The following PRSS23 variants were observed in gnomAD, a reference collection of about 807,000 sequenced individuals.
PRSS23 encodes protease, serine 23.
In PRSS23, 25 loss-of-function variants were observed where a neutral mutation model predicts 34.7. The ratio of observed to expected loss-of-function variants is 0.72; its 90% CI spans 0.53 to 1.01. The LOEUF is 1.01. Ranked by LOEUF, PRSS23 falls within the 50% of genes least tolerant of loss-of-function variation. The pLI is 0.00. For synonymous variants in PRSS23, 176 were observed against 186.6 expected (o/e 0.94, Z 0.46); for missense variants, 445 against 475.6 (o/e 0.94, Z 0.60).
At chr11:86,924,668 T>C (rs955569726) in intron 2 of PRSS23, among the ~76,000 whole-genome samples, 3 of 152,224 alleles carry the variant, frequency 2.0e-5, no homozygotes, top group African/African-American at 7.2e-5. Flanking sequence ...AGAGTTGTTA[T>C]AGTGATTACA....
intron 2 of PRSS23, among the ~76,000 whole-genome samples, chr11:86,844,893 C>T (rs1016185186): frequency 2.6e-5 from 4 of 152,110 alleles, no homozygotes; most frequent in African/African-American, 7.2e-5. Flanking sequence ...AGTTCAAGAA[C>T]AGCCTGACCA....
At chr11:86,851,977 C>A (rs953432257) in intron 2 of PRSS23, among the ~76,000 whole-genome samples, 2 of 152,180 alleles carry the variant, frequency 1.3e-5, no homozygotes, top group African/African-American at 2.4e-5. Context: ...ACAGAAACTC[C>A]ACAGTCTGCT....
intron 2 of PRSS23, among the ~76,000 whole-genome samples, chr11:86,838,960 C>T (rs1948427054): frequency 6.6e-6 from 1 of 151,898 alleles, no homozygotes; most frequent in African/African-American, 2.4e-5. Flanking sequence ...AAAGGACATC[C>T]ACATGAAAAC....
At chr11:86,926,825 T>C (rs185851625) in intron 2 of PRSS23, among the ~76,000 whole-genome samples, 98 of 152,318 alleles carry the variant, frequency 6.4e-4, no homozygotes, top group Admixed American at 1.8e-3. Context: ...TTCAGGGTTG[T>C]CTATGAAAAG....
At chr11:86,805,748 T>C (rs1426079467) in intron 1 of PRSS23, among the ~76,000 whole-genome samples, 1 of 152,228 alleles carries the variant, frequency 6.6e-6, no homozygotes, top group Non-Finnish European at 1.5e-5. Flanking sequence ...GGAATGAGAA[T>C]GGGCATGCTC....
At position 86,857,780 on chromosome 11, in the gene PRSS23, G is replaced by A. The variant is rs558918280; in HGVS notation, c.206+34187G>A. Reference sequence around the variant, plus strand: ...GACTGCATGTCCACAATCATCTTGGGAACTGTGGCCGAGGTGAAACCAATG... The same window carrying A: ...GACTGCATGTCCACAATCATCTTGGAAACTGTGGCCGAGGTGAAACCAATG... On this transcript the variant is annotated intron_variant, in intron 2 of 2. Coordinates refer to the PRSS23 transcript ENST00000533902. 5.6e-4 allele frequency: 584 copies of A among 1,051,990 alleles called. 10 individuals are homozygous for A. The South Asian group carries it at 6.1e-3, about 11-fold the overall frequency. 65.2% of individuals were successfully genotyped at this position (1,051,990 alleles called of 1,614,324 possible). A position where few individuals can be genotyped will look rare whatever the true frequency, so the allele number is the denominator to read the frequency against.
At chr11:86,949,352 A>G (rs1253325599) in intron 2 of PRSS23, 1 of 151,762 alleles carries the variant, frequency 6.6e-6, no homozygotes, top group Non-Finnish European at 1.5e-5. Context: ...CCAGAATTTG[A>G]CCACCTTTTT....
chr11:86,864,726 A>G lies in PRSS23; in HGVS notation c.206+41133A>G, dbSNP rs78338343. On this transcript the variant is annotated intron_variant, in intron 2 of 2. Transcript: ENST00000533902. ...AGTCCCAAAATGGTTCTTATGAACT[A>G]TGATCAAGGTGTCAGCAGAGCTGTC... 4.9e-4 allele frequency among the ~76,000 whole-genome samples: 75 copies of G among 152,382 alleles called. No individual in the cohort carries two copies. In the East Asian group the frequency reaches 0.014, roughly 28 times the overall value.
chr11:86,873,235 T>TACACAC (rs61195398), intron 2 of PRSS23, among the ~76,000 whole-genome samples: 1 of 135,460 alleles, frequency 7.4e-6, no homozygotes, highest in Admixed American at 7.6e-5. Flanking sequence ...TATATATATA[T>TACACAC]ACACACACAC....
In PRSS23 at chr11:86,809,397, A is replaced by G. The variant is rs1948151662; in HGVS notation, c.*602A>G. 1.8e-5 allele frequency: 3 copies of G among 167,174 alleles called. No homozygotes were observed. Among genetic ancestry groups the G allele is most frequent in the African/African-American group, 7.2e-5 (3 of 41,470 alleles). 10.4% of individuals were successfully genotyped at this position (167,174 alleles called of 1,614,324 possible). ...ATGTGTTGACTATACTGATACACAT[A>G]TTAAACTATACCTTATAGTAAACCA... On this transcript the variant is annotated 3_prime_UTR_variant, in exon 2 of 2. Coordinates refer to ENST00000280258, the MANE Select transcript of PRSS23 (RefSeq NM_007173.6).
At chr11:86,910,167 C>T (rs2134992587) in intron 2 of PRSS23, 1 of 152,302 alleles carries the variant, frequency 6.6e-6, no homozygotes, top group African/African-American at 2.4e-5. Flanking sequence ...ATTGCTTGAG[C>T]TCAGATTGCT....
At chr11:86,914,612 C>T (rs1949000444) in intron 2 of PRSS23, among the ~76,000 whole-genome samples, 1 of 152,068 alleles carries the variant, frequency 6.6e-6, no homozygotes, top group African/African-American at 2.4e-5. Context: ...AAAAAAGTAC[C>T]ATCTGATTGT....
chr11:86,794,977 C>A (rs1947971952), intron 1 of PRSS23, among the ~76,000 whole-genome samples: 1 of 152,050 alleles, frequency 6.6e-6, no homozygotes. Context: ...AAAAATACAA[C>A]CATGGCTCTC....
intron 2 of PRSS23, among the ~76,000 whole-genome samples, chr11:86,878,064 CCT>C (rs1948736794): frequency 6.6e-6 from 1 of 151,894 alleles, no homozygotes. Context: ...CACATTTGCA[CCT>C]CTTTTTTATA....
chr11:86,854,616 G>A (rs1209683285), intron 2 of PRSS23, among the ~76,000 whole-genome samples: 3 of 152,160 alleles, frequency 2.0e-5, no homozygotes, highest in East Asian at 1.9e-4. Flanking sequence ...TTTTGGCAGC[G>A]TTTTCATTTA....
downstream of PRSS23, among the ~76,000 whole-genome samples, chr11:86,811,523 T>C (rs1948178312): frequency 6.6e-6 from 1 of 152,192 alleles, no homozygotes; most frequent in East Asian, 1.9e-4. Context: ...ACTCCAAATT[T>C]TGAATTTTGA....
chr11:86,917,743 C>A (rs1001409049), intron 2 of PRSS23, among the ~76,000 whole-genome samples: 1 of 152,186 alleles, frequency 6.6e-6, no homozygotes. Context: ...AAAGATTGGA[C>A]CACATTAGGG....
chr11:86,867,631 G>A (rs1948658322), intron 2 of PRSS23, among the ~76,000 whole-genome samples: 1 of 152,210 alleles, frequency 6.6e-6, no homozygotes, highest in African/African-American at 2.4e-5. Context: ...TGTAATCCCA[G>A]CACTTTGAGA....
At chr11:86,876,352 A>G (rs898146524) in intron 2 of PRSS23, among the ~76,000 whole-genome samples, 2 of 152,230 alleles carry the variant, frequency 1.3e-5, no homozygotes, top group African/African-American at 2.4e-5. Flanking sequence ...ATCAGCGAGT[A>G]TGAGGCTGAG....
Sources: gnomAD v4.1 joint callset for allele counts (sites outside exome capture counted in the v4.1 genomes callset) on GRCh38, gnomAD v4.1.1 for gene constraint, MANE v1.5 for transcripts, NCBI Gene and HGNC (gene_info 2026-07-23, HGNC 2026-07-21) for gene names.